HIBCH: variants seen among roughly 807,000 people sequenced by gnomAD.
HIBCH encodes the protein 3-hydroxyisobutyryl-CoA hydrolase, also known as 3-hydroxyisobutyryl-CoA hydrolase, mitochondrial.
Under a neutral mutation model 58.2 loss-of-function variants are expected in HIBCH, and 50 were observed. The observed-to-expected ratio is 0.86, with a 90% CI of 0.68 to 1.09. The LOEUF (loss-of-function observed/expected upper bound fraction) is 1.09, where lower values mean the gene tolerates loss of function less well. HIBCH is among the 50% of genes least tolerant of loss of function. HIBCH has a pLI of 0.00. For missense variants in HIBCH, 450 were observed against 449.7 expected (o/e 1.00, Z -0.01); for synonymous variants, 151 against 146.9 (o/e 1.03, Z -0.20).
In HIBCH at chr2:190,207,070, C is replaced by T. The variant is rs78287770; in HGVS notation, c.1045+1810G>A. On this transcript the variant is annotated intron_variant, in intron 13 of 13. Coordinates refer to ENST00000359678, the MANE Select transcript of HIBCH (RefSeq NM_014362.4). This position sits in a 1 kb window ranked among gnomAD's most constrained non-coding sequence, Gnocchi z 4.5. ...CCGGGAGGCGGAGTTTGCAGTGAGC[C>T]GAGATTTTGCCACTGCTCTCCAGCC... 6.4e-3 allele frequency among the ~76,000 whole-genome samples: 979 copies of T among 151,998 alleles called. 10 individuals carry two copies. The highest frequency in any genetic ancestry group is 0.011 in the Non-Finnish European group (780 of 67,984).
At position 190,243,905 on chromosome 2, in the gene HIBCH, G is replaced by C. The variant is rs1358280184; in HGVS notation, c.891+982C>G. On this transcript the variant is annotated intron_variant, in intron 11 of 13. Transcript: ENST00000359678. This position sits in a 1 kb window ranked among gnomAD's most constrained non-coding sequence, Gnocchi z 4.1. The stretch of plus-strand genomic sequence containing the variant: ...GGATTGCTTGAGCCTGGGAGGCTGA[G>C]GCTGCAGTGAGTTGTGATTGCACCA... Among the ~76,000 whole-genome samples, 1 of 152,210 alleles carries C rather than the reference G, an allele frequency of 6.6e-6. No homozygotes were observed.
At chr2:190,300,166 C>A (rs951024226) in intron 2 of HIBCH, among the ~76,000 whole-genome samples, 12 of 152,180 alleles carry the variant, frequency 7.9e-5, no homozygotes, top group African/African-American at 2.9e-4. Flanking sequence ...AATTTATATT[C>A]CCTTAGGTAT....
chr2:190,253,455 C>A (rs1341888284), intron 7 of HIBCH, among the ~76,000 whole-genome samples: 1 of 152,102 alleles, frequency 6.6e-6, no homozygotes, highest in African/African-American at 2.4e-5. Context: ...CTCAAACTAG[C>A]TAGGTCTCAA....
At chr2:190,291,616 C>T (rs1575753236) in intron 4 of HIBCH, among the ~76,000 whole-genome samples, 1 of 152,156 alleles carries the variant, frequency 6.6e-6, no homozygotes, top group Admixed American at 6.5e-5. Context: ...TTATTAACAT[C>T]GATAGAAATG....
intron 6 of HIBCH, among the ~76,000 whole-genome samples, chr2:190,287,022 T>A (rs897989985): frequency 7.4e-5 from 4 of 54,360 alleles, no homozygotes; most frequent in African/African-American, 2.6e-4. Flanking sequence ...TAAAATAGCA[T>A]ATAACGTGTG....
intron 1 of HIBCH, among the ~76,000 whole-genome samples, chr2:190,316,987 G>A (rs771492492): frequency 3.9e-5 from 6 of 152,204 alleles, no homozygotes; most frequent in African/African-American, 9.7e-5. Context: ...CACAATCATA[G>A]TTCACTGTAA....
In HIBCH at chr2:190,207,905, A is replaced by T. The variant is rs528403654; in HGVS notation, c.1045+975T>A. Among the ~76,000 whole-genome samples, 62 of 152,240 alleles carry T rather than the reference A, an allele frequency of 4.1e-4. No individual in the cohort carries two copies. Among genetic ancestry groups the T allele is most frequent in the African/African-American group, 1.2e-3 (48 of 41,542 alleles). On this transcript the variant is annotated intron_variant, in intron 13 of 13. Transcript: ENST00000359678. This position sits in a 1 kb window ranked among gnomAD's most constrained non-coding sequence, Gnocchi z 4.5. Reference sequence around the variant, plus strand: ...CCAAAAAAAATAAAATAAAATAAAAAAAACAAAGGATATCCAGAGTCTGCA... The same window carrying T: ...CCAAAAAAAATAAAATAAAATAAAATAAACAAAGGATATCCAGAGTCTGCA...
rs769039339 is a variant in HIBCH at position 190,213,022 on chromosome 2, C to T, written c.945G>A (p.Met315Ile). ...CTTGCAAGGTCTTTGAAGACCCCTC[C>T]ATGAGTTGCCTTAGTGTGATCTTTA... ...TSLKITLRQL[M>I]EGSSKTLQEV... The change falls in exon 12 of 14, where the codon ATG becomes ATA. Residue 315 changes from methionine to isoleucine, a missense_variant. Met to Ile is a conservative substitution (Grantham distance 10, BLOSUM62 1). Coordinates refer to ENST00000359678, the MANE Select transcript of HIBCH (RefSeq NM_014362.4). 8.1e-6 allele frequency: 13 copies of T among 1,609,758 alleles called. No individual in the cohort carries two copies. Among genetic ancestry groups the T allele is most frequent in the Middle Eastern group, 1.7e-4 (1 of 5,974 alleles).
intron 9 of HIBCH, among the ~76,000 whole-genome samples, chr2:190,248,382 G>A (rs761086474): frequency 3.9e-5 from 6 of 152,012 alleles, no homozygotes; most frequent in African/African-American, 4.8e-5. Flanking sequence ...GGGATGCAGC[G>A]GTTCTGCAAG....
chr2:190,282,967 A>C (rs569219507), intron 6 of HIBCH, among the ~76,000 whole-genome samples: 62 of 152,314 alleles, frequency 4.1e-4, no homozygotes, highest in African/African-American at 1.4e-3. Flanking sequence ...GACTGAAAGC[A>C]CTGACTCAAT....
chr2:190,222,525 C>T (rs955978839), intron 11 of HIBCH, among the ~76,000 whole-genome samples: 1 of 151,926 alleles, frequency 6.6e-6, no homozygotes, highest in African/African-American at 2.4e-5. Flanking sequence ...AAAAAATGCT[C>T]ATCATCACTG....
chr2:190,286,197 G>C (rs548228098), intron 6 of HIBCH, among the ~76,000 whole-genome samples: 1 of 152,258 alleles, frequency 6.6e-6, no homozygotes, highest in East Asian at 1.9e-4. Context: ...CTGGAGGAAA[G>C]GAATGTTACA....
At chr2:190,293,744 C>T (rs905021367) in intron 4 of HIBCH, among the ~76,000 whole-genome samples, 2 of 151,482 alleles carry the variant, frequency 1.3e-5, no homozygotes, top group African/African-American at 4.8e-5. Flanking sequence ...AAAAACCATC[C>T]CTGAACCCTA....
intron 1 of HIBCH, among the ~76,000 whole-genome samples, chr2:190,311,407 C>T (rs1688554997): frequency 6.6e-6 from 1 of 152,116 alleles, no homozygotes; most frequent in Non-Finnish European, 1.5e-5. Context: ...ATTTGCAGGT[C>T]ATTTTTTCCA....
chr2:190,270,003 T>C (rs974050900), intron 6 of HIBCH, among the ~76,000 whole-genome samples: 2 of 151,968 alleles, frequency 1.3e-5, no homozygotes, highest in South Asian at 2.1e-4. Context: ...TTCTCATAAG[T>C]GGGAGCTGAA....
intron 1 of HIBCH, among the ~76,000 whole-genome samples, chr2:190,313,726 C>A (rs1002662461): frequency 6.7e-5 from 10 of 149,178 alleles, no homozygotes; most frequent in Admixed American, 5.3e-4. Context: ...CCAATTAAAT[C>A]AAACTCTGGA....
At chr2:190,307,500 T>C (rs535643314) in intron 2 of HIBCH, among the ~76,000 whole-genome samples, 2 of 152,122 alleles carry the variant, frequency 1.3e-5, no homozygotes, top group Non-Finnish European at 2.9e-5. Context: ...AGAAACCTCA[T>C]CTCTACAAAA....
exon 2 of HIBCH, chr2:190,189,747 T>C (rs933082814): frequency 6.6e-6 from 1 of 152,212 alleles, no homozygotes; most frequent in Non-Finnish European, 1.5e-5. Flanking sequence ...CAATTTCAAA[T>C]TGGTTTCTCA....
chr2:190,231,012 T>A (rs7566380), intron 11 of HIBCH, among the ~76,000 whole-genome samples: 45,260 of 152,068 alleles, frequency 0.3, 7,547 homozygotes, highest in East Asian at 0.45. Context: ...CAGAAATACA[T>A]AATTAGTTCT....
Sources: allele counts gnomAD v4.1 joint callset (sites outside exome capture counted in the v4.1 genomes callset), GRCh38; gene constraint gnomAD v4.1.1; non-coding constraint Gnocchi (gnomAD v3.1); transcripts MANE v1.5; gene names NCBI Gene and HGNC (gene_info 2026-07-23, HGNC 2026-07-21).